The following GNAL variants were observed in gnomAD, a reference collection of about 807,000 sequenced individuals.
GNAL encodes the protein G protein subunit alpha L, also known as guanine nucleotide-binding protein G(olf) subunit alpha.
A neutral mutation model predicts 55.1 loss-of-function variants in GNAL; 18 were observed. The observed-to-expected ratio is 0.33, with a 90% CI of 0.23 to 0.48. The LOEUF is 0.48. Ranked by LOEUF, GNAL falls within the 20% of genes least tolerant of loss-of-function variation. The pLI, the probability that GNAL is intolerant of heterozygous loss-of-function variation, is 0.99. For synonymous variants in GNAL, 253 were observed against 237.0 expected, an observed-to-expected ratio of 1.07 and a Z score of -0.62; for missense variants, 412 against 614.1, an observed-to-expected ratio of 0.67 and a Z score of 3.48.
intron 9 of GNAL, among the ~76,000 whole-genome samples, chr18:11,870,221 AG>A (rs1302488130): frequency 6.6e-6 from 1 of 152,140 alleles, no homozygotes; most frequent in Non-Finnish European, 1.5e-5. Flanking sequence ...TTTAAATTTT[AG>A]GAAGTACCAG....
chr18:11,752,956 A>C lies in GNAL; in HGVS notation c.449+31A>C. On this transcript the variant is annotated intron_variant, in intron 2 of 11. Transcript: ENST00000334049. This position sits in a 1 kb window ranked among gnomAD's most constrained non-coding sequence, Gnocchi z 4.5. ...AATGTTCAGTTTGCTTCCAAACTGC[A>C]TGCAAACTTCGTCTCTCTCCCAGAC... The C allele has an allele frequency of 7.5e-7, 1 of 1,339,366 alleles. No homozygotes were observed. Among genetic ancestry groups the C allele is most frequent in the African/African-American group, 1.4e-5 (1 of 68,970 alleles). 83.0% of individuals were successfully genotyped at this position (1,339,366 alleles called of 1,614,324 possible). A position where few individuals can be genotyped will look rare whatever the true frequency, so the allele number is the denominator to read the frequency against.
At chr18:11,722,998 C>T (rs138466701) in intron 1 of GNAL, among the ~76,000 whole-genome samples, 1,670 of 99,728 alleles carry the variant, frequency 0.017, 32 homozygotes, top group African/African-American at 0.058. Context: ...GCAACAAGAG[C>T]GAAACTTCAT....
chr18:11,824,110 TCC>T (rs1483812347), intron 4 of GNAL, among the ~76,000 whole-genome samples: 1 of 152,150 alleles, frequency 6.6e-6, no homozygotes, highest in Non-Finnish European at 1.5e-5. Context: ...TTTTTAAAGT[TCC>T]TTTTTTATGT....
At chr18:11,730,848 T>C (rs114406527) in intron 1 of GNAL, among the ~76,000 whole-genome samples, 2,865 of 152,302 alleles carry the variant, frequency 0.019, 77 homozygotes, top group African/African-American at 0.059. Flanking sequence ...ATCTGTCATG[T>C]GATACTATAC....
intron 1 of GNAL, among the ~76,000 whole-genome samples, chr18:11,707,771 A>G (rs1021060778): frequency 5.9e-5 from 9 of 152,214 alleles, no homozygotes; most frequent in African/African-American, 1.9e-4. Flanking sequence ...TAGTGTAGCC[A>G]CTTCTCATCA....
intron 8 of GNAL, 48 bp downstream of exon 8, chr18:11,867,274 T>C: frequency 9.2e-7 from 1 of 1,084,522 alleles, no homozygotes; most frequent in South Asian, 1.2e-5. Flanking sequence ...ATTCTAACAC[T>C]CAGCACTGCT....
At chr18:11,790,664 T>TC (rs2034208085) in intron 4 of GNAL, among the ~76,000 whole-genome samples, 1 of 142,664 alleles carries the variant, frequency 7.0e-6, no homozygotes, top group Non-Finnish European at 1.5e-5. Context: ...TTTTTTTCTT[T>TC]TTTTTTTTTT....
At chr18:11,861,644 G>A (rs956139654) in intron 5 of GNAL, among the ~76,000 whole-genome samples, 1 of 152,166 alleles carries the variant, frequency 6.6e-6, no homozygotes, top group Non-Finnish European at 1.5e-5. Context: ...CTGTGCAGGG[G>A]CCGTGGTCAC....
chr18:11,785,870 G>A (rs1021782349), intron 4 of GNAL, among the ~76,000 whole-genome samples: 1 of 152,260 alleles, frequency 6.6e-6, no homozygotes, highest in African/African-American at 2.4e-5. Flanking sequence ...AAAGGCTTCC[G>A]CCCACCTTCC....
chr18:11,864,661 G>A (rs544221335), intron 7 of GNAL, 55 bp downstream of exon 7: 26 of 952,480 alleles, frequency 2.7e-5, no homozygotes, highest in African/African-American at 8.0e-5. Context: ...TCCCAGAGCC[G>A]AAGGGCTGTG....
intron 1 of GNAL, among the ~76,000 whole-genome samples, chr18:11,693,069 A>AG (rs1471889820): frequency 4.8e-5 from 6 of 124,436 alleles, no homozygotes; most frequent in African/African-American, 9.9e-5. Context: ...AAACTGACAA[A>AG]AAAAAATAAG....
intron 4 of GNAL, among the ~76,000 whole-genome samples, chr18:11,768,131 A>C (rs2033469052): frequency 6.6e-6 from 1 of 152,190 alleles, no homozygotes; most frequent in African/African-American, 2.4e-5. Context: ...ACATGCCTTT[A>C]CTGAGGACAG....
intron 1 of GNAL, among the ~76,000 whole-genome samples, chr18:11,728,828 A>G (rs1460928107): frequency 6.6e-6 from 1 of 152,162 alleles, no homozygotes; most frequent in Non-Finnish European, 1.5e-5. Context: ...ATTGTGTAAT[A>G]CAAATCAATA....
intron 4 of GNAL, among the ~76,000 whole-genome samples, chr18:11,821,516 G>A (rs899716283): frequency 6.6e-6 from 1 of 152,196 alleles, no homozygotes; most frequent in African/African-American, 2.4e-5. Flanking sequence ...TAAGAACTAC[G>A]TAAGAACTAT....
chr18:11,826,865 A>G (rs2035259704), intron 5 of GNAL, among the ~76,000 whole-genome samples: 1 of 152,202 alleles, frequency 6.6e-6, no homozygotes, highest in African/African-American at 2.4e-5. Context: ...AGATGGCCCC[A>G]GTGTACCGGT....
chr18:11,857,658 A>G lies in GNAL; in HGVS notation c.723-4737A>G, dbSNP rs956890572. On this transcript the variant is annotated intron_variant, in intron 5 of 11. Transcript: ENST00000334049. ...TCACTGATCACCTGGGACATGGTTCAGCTGCACATGCTGACGCAGTGGGTC... is the reference window on the plus strand; with the variant it reads ...TCACTGATCACCTGGGACATGGTTCGGCTGCACATGCTGACGCAGTGGGTC... 6.8e-5 allele frequency: 67 copies of G among 985,294 alleles called. 1 individual carries two copies. The highest frequency in any genetic ancestry group is 7.8e-5 in the Non-Finnish European group (65 of 829,874). 61.0% of individuals were successfully genotyped at this position (985,294 alleles called of 1,614,324 possible).
intron 1 of GNAL, among the ~76,000 whole-genome samples, chr18:11,715,382 A>G (rs1284650613): frequency 6.9e-6 from 1 of 145,816 alleles, no homozygotes; most frequent in East Asian, 2.0e-4. Context: ...AATGGCATGA[A>G]CCCGGGAGGC....
chr18:11,726,384 T>C (rs1367376772), intron 1 of GNAL, among the ~76,000 whole-genome samples: 2 of 152,264 alleles, frequency 1.3e-5, no homozygotes, highest in African/African-American at 4.8e-5. Context: ...TTGTCATTTC[T>C]GATTTAAACA....
chr18:11,713,670 A>G (rs1261528131), intron 1 of GNAL, among the ~76,000 whole-genome samples: 3 of 152,216 alleles, frequency 2.0e-5, no homozygotes, highest in East Asian at 3.8e-4. Flanking sequence ...AGCGAAAACA[A>G]TCATTTAAAA....
Sources: gnomAD v4.1 joint callset for allele counts (sites outside exome capture counted in the v4.1 genomes callset) on GRCh38, gnomAD v4.1.1 for gene constraint, Gnocchi (gnomAD v3.1) non-coding constraint, MANE v1.5 for transcripts, NCBI Gene and HGNC (gene_info 2026-07-23, HGNC 2026-07-21) for gene names.